The following C1QTNF7 variants were observed in gnomAD, a reference collection of about 807,000 sequenced individuals.
C1QTNF7 encodes the protein complement C1q tumor necrosis factor-related protein 7.
In C1QTNF7, 15 loss-of-function variants were observed where a neutral mutation model predicts 19.6. The observed-to-expected ratio is 0.76, with a 90% confidence interval of 0.51 to 1.18. The LOEUF (loss-of-function observed/expected upper bound fraction) is 1.18, where lower values mean the gene tolerates loss of function less well. Ranked by LOEUF, C1QTNF7 falls within the 50% of genes most tolerant of loss-of-function variation. C1QTNF7 has a pLI of 0.00. For missense variants in C1QTNF7, 324 were observed against 359.7 expected, an observed-to-expected ratio of 0.90 and a Z score of 0.80; for synonymous variants, 142 against 137.5, an observed-to-expected ratio of 1.03 and a Z score of -0.23.
rs532103445 is a variant in C1QTNF7, at chr4:15,356,102, CTTT to C, written c.13+15901_13+15903del. On this transcript the variant is annotated intron_variant, in intron 1 of 2. Coordinates refer to the C1QTNF7 transcript ENST00000295297. ...TGTTTGTTTATTTGTTTTTCAGTTT[CTTT>C]TTTTTATTATTATATTTTAAGTTCT... Among the ~76,000 whole-genome samples the C allele has an allele frequency of 2.2e-4, 33 of 151,724 alleles. No homozygotes were observed. In the East Asian group the frequency reaches 5.2e-3, roughly 24 times the overall value.
intron 1 of C1QTNF7, among the ~76,000 whole-genome samples, chr4:15,413,903 G>A (rs1429884616): frequency 6.6e-6 from 1 of 152,216 alleles, no homozygotes; most frequent in Non-Finnish European, 1.5e-5. Context: ...TGTAACTGGA[G>A]AGAGCAACCT....
chr4:15,388,623 A>G (rs1203664296), intron 1 of C1QTNF7, among the ~76,000 whole-genome samples: 1 of 152,228 alleles, frequency 6.6e-6, no homozygotes, highest in Non-Finnish European at 1.5e-5. Flanking sequence ...GTTATTGGTA[A>G]TGACAAGGTC....
chr4:15,387,067 T>C (rs746862956), intron 1 of C1QTNF7, among the ~76,000 whole-genome samples: 3 of 152,066 alleles, frequency 2.0e-5, no homozygotes, highest in Non-Finnish European at 4.4e-5. Flanking sequence ...GCAGTAGGTA[T>C]GGGGAGAAAT....
In C1QTNF7 at chr4:15,442,285, G is replaced by C; in HGVS notation, c.356G>C (p.Gly119Ala). The change falls in exon 3 of 3, where the codon GGT becomes GCT. Residue 119 changes from glycine (G) to alanine (A), a missense_variant. Coordinates refer to ENST00000444304, the MANE Select transcript of C1QTNF7 (RefSeq NM_031911.5). ...EGEKGEVGPI[G>A]PPGPKGDRGE... is the part of the protein sequence containing the mutation. ...GAGAAAGGAGAAGTAGGTCCAATTGGTCCTCCTGGACCAAAGGGAGACAGA... is the reference window on the plus strand; with the variant it reads ...GAGAAAGGAGAAGTAGGTCCAATTGCTCCTCCTGGACCAAAGGGAGACAGA... 1 of 1,614,136 alleles carries C rather than the reference G, an allele frequency of 6.2e-7. No individual in the cohort carries two copies. Among genetic ancestry groups the C allele is most frequent in the Non-Finnish European group, 8.5e-7 (1 of 1,180,030 alleles).
intron 1 of C1QTNF7, among the ~76,000 whole-genome samples, chr4:15,359,397 G>T (rs1717259055): frequency 6.6e-6 from 1 of 152,170 alleles, no homozygotes; most frequent in South Asian, 2.1e-4. Flanking sequence ...GAGGTGGAAA[G>T]AATGTCTGGG....
chr4:15,404,014 A>C, intron 1 of C1QTNF7, among the ~76,000 whole-genome samples: 1 of 152,168 alleles, frequency 6.6e-6, no homozygotes, highest in South Asian at 2.1e-4. Context: ...TCATGTACTA[A>C]TAATGTACTT....
At chr4:15,351,816 G>T (rs1200734735) in intron 1 of C1QTNF7, among the ~76,000 whole-genome samples, 2 of 152,190 alleles carry the variant, frequency 1.3e-5, no homozygotes, top group Admixed American at 1.3e-4. Context: ...CTTTACAGAG[G>T]CTTTTCAGGA....
At chr4:15,380,333 A>G (rs186447850) in intron 1 of C1QTNF7, among the ~76,000 whole-genome samples, 6 of 152,294 alleles carry the variant, frequency 3.9e-5, no homozygotes, top group African/African-American at 1.4e-4. Context: ...AGAATGCTGT[A>G]GCTATCCAAG....
chr4:15,428,190 T>A, intron 1 of C1QTNF7, 84 bp downstream of exon 1: 1 of 480,128 alleles, frequency 2.1e-6, no homozygotes, highest in Non-Finnish European at 2.7e-6. Context: ...TTTAGCTTAT[T>A]AAACAGATGG....
chr4:15,407,634 G>C (rs1719240248), intron 1 of C1QTNF7, among the ~76,000 whole-genome samples: 1 of 152,138 alleles, frequency 6.6e-6, no homozygotes, highest in Non-Finnish European at 1.5e-5. Context: ...TACTGAATTG[G>C]ATCCTGGGAA....
rs1487153375 is a variant in C1QTNF7 at position 15,435,914 on chromosome 4, C to T, written c.171C>T (p.Arg57=). Residue 57 remains arginine, a synonymous_variant, in exon 2 of 3, where the codon CGC becomes CGT. Transcript: ENST00000444304. Reference sequence around the variant, plus strand: ...ATGGTTCCCCTGGGCCCCATGGTCGCATCGGCCTTCCAGGAAGAGATGGTA... The same window carrying T: ...ATGGTTCCCCTGGGCCCCATGGTCGTATCGGCCTTCCAGGAAGAGATGGTA... ...GANGSPGPHG[R]IGLPGRDGRD... is the part of the protein sequence containing the mutation. The T allele has an allele frequency of 6.2e-7, 1 of 1,613,942 alleles. No homozygotes were observed. The highest frequency in any genetic ancestry group is 2.2e-5 in the East Asian group (1 of 44,884).
chr4:15,411,877 T>C (rs1421628029), intron 1 of C1QTNF7, among the ~76,000 whole-genome samples: 2 of 151,896 alleles, frequency 1.3e-5, no homozygotes, highest in African/African-American at 4.8e-5. Context: ...GAGTCCCCAG[T>C]CCCTGAACCA....
At chr4:15,384,061 C>G (rs1304864731) in intron 1 of C1QTNF7, among the ~76,000 whole-genome samples, 1 of 152,216 alleles carries the variant, frequency 6.6e-6, no homozygotes, top group Admixed American at 6.5e-5. Context: ...TCCTGACTCA[C>G]AGCTGTGTCC....
Position 15,429,008 on chromosome 4 carries a change from A to G in C1QTNF7, c.-9+902A>G, listed in dbSNP as rs143598473. On this transcript the variant is annotated intron_variant, in intron 1 of 2. Coordinates refer to ENST00000444304, the MANE Select transcript of C1QTNF7 (RefSeq NM_031911.5). ...CAAGTGTTTGAAGACAAAAGAACTC[A>G]GTACAAATTCTGGCTGCACCATTTC... Among the ~76,000 whole-genome samples, 766 of 152,330 alleles carry G rather than the reference A, an allele frequency of 5.0e-3. 5 individuals are homozygous for G. Among genetic ancestry groups the G allele is most frequent in the African/African-American group, 0.017 (712 of 41,572 alleles).
chr4:15,385,636 G>T (rs1718305133), intron 1 of C1QTNF7, among the ~76,000 whole-genome samples: 1 of 152,140 alleles, frequency 6.6e-6, no homozygotes, highest in South Asian at 2.1e-4. Context: ...CTACTGCAGG[G>T]TTTTCAACAG....
intron 1 of C1QTNF7, among the ~76,000 whole-genome samples, chr4:15,344,538 C>A (rs1176926543): frequency 1.3e-5 from 2 of 152,156 alleles, no homozygotes; most frequent in African/African-American, 4.8e-5. Flanking sequence ...CAGTTTAACC[C>A]CTGTAAAATG....
chr4:15,416,306 T>C (rs574878046), intron 1 of C1QTNF7, among the ~76,000 whole-genome samples: 1 of 152,358 alleles, frequency 6.6e-6, no homozygotes, highest in East Asian at 1.9e-4. Flanking sequence ...CATGCCAGGC[T>C]CTGTTTTAGA....
At chr4:15,435,709 A>G (rs1712500969) in intron 1 of C1QTNF7, 27 bp from the exon 2 acceptor site, 5 of 1,612,958 alleles carry the variant, frequency 3.1e-6, no homozygotes, top group Non-Finnish European at 4.2e-6. Flanking sequence ...CAGAAAGTTC[A>G]TTTACGTCTG....
At chr4:15,375,589 C>A (rs1717910358) in intron 1 of C1QTNF7, among the ~76,000 whole-genome samples, 1 of 152,114 alleles carries the variant, frequency 6.6e-6, no homozygotes, top group African/African-American at 2.4e-5. Flanking sequence ...TGAACGGAAT[C>A]GTTTTGTTTG....
Sources: allele counts gnomAD v4.1 joint callset (sites outside exome capture counted in the v4.1 genomes callset), GRCh38; gene constraint gnomAD v4.1.1; transcripts MANE v1.5; gene names NCBI Gene and HGNC (gene_info 2026-07-23, HGNC 2026-07-21).